Variants in OLAH observed in about 807,000 individuals in gnomAD.
OLAH encodes the protein S-acyl fatty acid synthase thioesterase, medium chain.
Under a neutral mutation model 27.8 loss-of-function variants are expected in OLAH, and 33 were observed. The ratio of observed to expected loss-of-function variants is 1.19; its 90% CI spans 0.90 to 1.59. The LOEUF (loss-of-function observed/expected upper bound fraction) is 1.59. Among genes scored for constraint, OLAH ranks in the 40% most tolerant of loss-of-function variants. OLAH has a pLI of 0.00. For synonymous variants in OLAH, 120 were observed against 102.9 expected, an observed-to-expected ratio of 1.17 and a Z score of -1.01; for missense variants, 359 against 310.8, an observed-to-expected ratio of 1.16 and a Z score of -1.17.
intron 3 of OLAH, among the ~76,000 whole-genome samples, chr10:15,061,058 T>C (rs1844352701): frequency 6.6e-6 from 1 of 152,208 alleles, no homozygotes; most frequent in Non-Finnish European, 1.5e-5. Flanking sequence ...ATTTTTCTGC[T>C]TCACTTTCTA....
chr10:15,060,981 G>A (rs1299048956), intron 3 of OLAH, among the ~76,000 whole-genome samples: 3 of 152,144 alleles, frequency 2.0e-5, no homozygotes, highest in African/African-American at 7.2e-5. Context: ...TTATTCATTA[G>A]GAGATGACTT....
upstream of OLAH, among the ~76,000 whole-genome samples, chr10:15,042,231 A>T (rs942026009): frequency 2.0e-5 from 3 of 151,956 alleles, no homozygotes; most frequent in Admixed American, 6.5e-5. Flanking sequence ...GGCTCACTGC[A>T]ACCTTCACCT....
At chr10:15,050,755 A>C in intron 3 of OLAH, among the ~76,000 whole-genome samples, 1 of 151,192 alleles carries the variant, frequency 6.6e-6, no homozygotes, top group Middle Eastern at 3.4e-3. Flanking sequence ...GTTAGCCAGG[A>C]TGGTCTCAAT....
At chr10:15,033,029 C>T (rs987095362) in intron 1 of OLAH, among the ~76,000 whole-genome samples, 3 of 145,230 alleles carry the variant, frequency 2.1e-5, no homozygotes, top group Non-Finnish European at 4.5e-5. Flanking sequence ...CCCACCACCA[C>T]AGTGGGCTAA....
intron 2 of OLAH, among the ~76,000 whole-genome samples, chr10:15,048,306 C>T (rs552490315): frequency 6.8e-4 from 104 of 152,284 alleles, no homozygotes; most frequent in African/African-American, 1.9e-3. Context: ...CAACCCCCCC[C>T]TCCTGGGTTC....
chr10:15,071,764 C>T, intron 6 of OLAH, 31 bp from the exon 7 acceptor site: 1 of 1,559,216 alleles, frequency 6.4e-7, no homozygotes, highest in Non-Finnish European at 8.8e-7. Context: ...TGATTTCAAA[C>T]AATTACTAAC....
Position 15,047,129 on chromosome 10 carries a change from T to A in OLAH, c.-160T>A. 1.8e-6 allele frequency: 1 copy of A among 555,502 alleles called. No homozygotes were observed. Among genetic ancestry groups the A allele is most frequent in the Non-Finnish European group, 3.1e-6 (1 of 317,920 alleles). The allele number at this position is 555,502 out of a possible 1,614,324, so 34.4% of individuals were successfully genotyped here. A position where few individuals can be genotyped will look rare whatever the true frequency, so the allele number is the denominator to read the frequency against. On this transcript the variant is annotated 5_prime_UTR_variant, in exon 2 of 8. The change creates a new upstream start codon in the 5' untranslated region. Coordinates refer to ENST00000378228, the MANE Select transcript of OLAH (RefSeq NM_001039702.3). ...TGACCTTCTTTATTTTTAACAGGGA[T>A]TGGAGAGGTCAATAAGAGTCAGCGC... is the stretch of plus-strand genomic sequence containing the variant.
Position 15,047,234 on chromosome 10 carries a change from G to C in OLAH, c.-55G>C, listed in dbSNP as rs1360059473. On this transcript the variant is annotated 5_prime_UTR_variant, in exon 2 of 8. Transcript: ENST00000378228. The stretch of plus-strand genomic sequence containing the variant: ...TTCGTCTCAAGAGGAACTGACTTCT[G>C]TTGAGCACTCAACACGCCACAGAGA... 1 of 1,597,798 alleles carries C rather than the reference G, an allele frequency of 6.3e-7. No homozygotes were observed. Among genetic ancestry groups the C allele is most frequent in the African/African-American group, 1.3e-5 (1 of 74,398 alleles).
intron 2 of OLAH, among the ~76,000 whole-genome samples, chr10:15,048,023 A>G (rs1168400751): frequency 6.6e-6 from 1 of 152,174 alleles, no homozygotes; most frequent in Admixed American, 6.5e-5. Context: ...TAGGGTTTAG[A>G]ACCTCATATT....
chr10:15,044,849 T>C (rs1397821775), intron 1 of OLAH, among the ~76,000 whole-genome samples: 7 of 152,338 alleles, frequency 4.6e-5, no homozygotes, highest in Middle Eastern at 3.4e-3. Context: ...CTTCTGTGTT[T>C]CTTGGTTTTG....
intron 1 of OLAH, among the ~76,000 whole-genome samples, chr10:15,035,480 G>A (rs1843827715): frequency 6.6e-6 from 1 of 152,112 alleles, no homozygotes; most frequent in African/African-American, 2.4e-5. Flanking sequence ...GCGAAAGCAG[G>A]AGCAAAAGAG....
upstream of OLAH, among the ~76,000 whole-genome samples, chr10:15,042,849 CTTTTTT>C (rs67828197): frequency 6.6e-5 from 4 of 60,626 alleles, no homozygotes; most frequent in South Asian, 7.6e-4. Context: ...ACCCACGTGT[CTTTTTT>C]TTTTTTTTTT....
At chr10:15,052,910 T>C (rs1844174842) in intron 3 of OLAH, among the ~76,000 whole-genome samples, 1 of 151,592 alleles carries the variant, frequency 6.6e-6, no homozygotes, top group African/African-American at 2.4e-5. Context: ...GGCTGGCTAA[T>C]TTTGTATTTT....
intron 1 of OLAH, among the ~76,000 whole-genome samples, chr10:15,036,501 A>C (rs1278680249): frequency 6.6e-6 from 1 of 151,996 alleles, no homozygotes; most frequent in African/African-American, 2.4e-5. Context: ...CTATCCCCCC[A>C]AAAAAGAGAG....
intron 3 of OLAH, among the ~76,000 whole-genome samples, chr10:15,061,056 G>A (rs375671332): frequency 3.2e-4 from 49 of 152,192 alleles, no homozygotes; most frequent in African/African-American, 1.2e-3. Context: ...TTATTTTTCT[G>A]CTTCACTTTC....
In OLAH at chr10:15,062,780, C is replaced by T. The variant is rs190386968; in HGVS notation, c.302+918C>T. On this transcript the variant is annotated intron_variant, in intron 4 of 7. Coordinates refer to ENST00000378228, the MANE Select transcript of OLAH (RefSeq NM_001039702.3). Reference sequence around the variant, plus strand: ...TTGAGACAGAGTCTCACTGTGTCACCCACGCTGGAGTGCAGTGGCACGATC... The same window carrying T: ...TTGAGACAGAGTCTCACTGTGTCACTCACGCTGGAGTGCAGTGGCACGATC... Among the ~76,000 whole-genome samples the T allele has an allele frequency of 1.8e-3, 279 of 151,256 alleles. 3 individuals are homozygous for T. Among genetic ancestry groups the T allele is most frequent in the Non-Finnish European group, 1.8e-3 (124 of 67,872 alleles).
intron 6 of OLAH, among the ~76,000 whole-genome samples, chr10:15,067,708 G>A (rs1589253243): frequency 6.6e-6 from 1 of 152,028 alleles, no homozygotes; most frequent in Non-Finnish European, 1.5e-5. Flanking sequence ...CTGCCCTCCT[G>A]CACCTTCTCC....
chr10:15,040,618 G>A (rs951314905), upstream of OLAH, among the ~76,000 whole-genome samples: 1 of 151,858 alleles, frequency 6.6e-6, no homozygotes, highest in Non-Finnish European at 1.5e-5. Context: ...CGTCCTAGAT[G>A]AACAAGTTTC....
intron 1 of OLAH, among the ~76,000 whole-genome samples, chr10:15,035,052 G>A (rs948037382): frequency 1.3e-5 from 2 of 151,964 alleles, no homozygotes; most frequent in African/African-American, 2.4e-5. Context: ...CGCCCACCTC[G>A]GCCTCCCAAA....
Sources: allele counts gnomAD v4.1 joint callset (sites outside exome capture counted in the v4.1 genomes callset), GRCh38; gene constraint gnomAD v4.1.1; transcripts MANE v1.5; gene names NCBI Gene and HGNC (gene_info 2026-07-23, HGNC 2026-07-21).